DMBT1: variants seen among roughly 807,000 people sequenced by gnomAD.
The protein encoded by DMBT1 is scavenger receptor cysteine-rich domain-containing protein DMBT1.
DMBT1 carries 198 observed loss-of-function variants against 252.9 expected under a neutral mutation model. The observed-to-expected ratio is 0.78, with a 90% CI of 0.70 to 0.88. The LOEUF is 0.88. Among genes scored for constraint, DMBT1 ranks in the 40% least tolerant of loss-of-function variants. DMBT1 has a pLI of 0.00. For synonymous variants in DMBT1, 990 were observed against 942.7 expected (o/e 1.05, Z -0.92); for missense variants, 2,432 against 2,404.7 (o/e 1.01, Z -0.24).
Position 122,619,333 on chromosome 10 carries a change from G to T in DMBT1, c.5241G>T (p.Arg1747Ser), listed in dbSNP as rs757550789. 6.2e-7 allele frequency: 1 copy of T among 1,613,894 alleles called. No homozygotes were observed. Among genetic ancestry groups the T allele is most frequent in the Non-Finnish European group, 8.5e-7 (1 of 1,179,864 alleles). The change falls in exon 42 of 56, where the codon AGG becomes AGT. Residue 1747 changes from arginine to serine, a missense_variant. Physicochemically the swap from Arg to Ser is moderately radical, Grantham distance 110. Around this residue, in one of 3 missense-constraint regions of DMBT1, gnomAD observed 1,162 missense variants for 1,169.0 expected, o/e 0.99. Transcript: ENST00000338354. ...CTGCTCAGTCCCAGTCAACGCCCAG[G>T]CCAGGTGAGTCCCCAGCATCCTTCA... ...CSAAQSQSTP[R>S]PDTWLTTNLP...
In DMBT1 at chr10:122,618,221, C is replaced by A; in HGVS notation, c.5096C>A (p.Pro1699His). 2 of 1,613,716 alleles carry A rather than the reference C, an allele frequency of 1.2e-6. No individual in the cohort carries two copies. The highest frequency in any genetic ancestry group is 1.7e-6 in the Non-Finnish European group (2 of 1,179,776). Residue 1699 changes from proline (P) to histidine (H), a missense_variant, in exon 41 of 56, where the codon CCC (proline) becomes CAC (histidine). Transcript: ENST00000338354. Reference protein sequence around the residue: ...GNAQFGQGSGPIVLDDVRCSG... With the variant: ...GNAQFGQGSGHIVLDDVRCSG... ...GCCCAGTTTGGCCAGGGCTCAGGAC[C>A]CATTGTCCTGGATGATGTGCGCTGC...
At chr10:122,617,315 G>A (rs1358570804) in intron 40 of DMBT1, 55 bp downstream of exon 40, 1 of 1,573,390 alleles carries the variant, frequency 6.4e-7, no homozygotes, top group Non-Finnish European at 8.7e-7. Flanking sequence ...CATATTTTGT[G>A]TTTGAAACTG....
chr10:122,590,820 T>C (rs2133583561), intron 18 of DMBT1, 126 bp downstream of exon 18: 1 of 1,199,810 alleles, frequency 8.3e-7, no homozygotes, highest in Non-Finnish European at 1.2e-6. Context: ...TTCCCTGCTC[T>C]GTAACTGAGA....
intron 41 of DMBT1, among the ~76,000 whole-genome samples, chr10:122,618,732 G>A (rs1056683477): frequency 6.6e-6 from 1 of 152,242 alleles, no homozygotes; most frequent in African/African-American, 2.4e-5. Context: ...GTGAACTAAA[G>A]ATGCTTGTCT....
In DMBT1 at chr10:122,617,589, G is replaced by A. The variant is rs902490384; in HGVS notation, c.4891+329G>A. Reference sequence around the variant, plus strand: ...ACGCACTGCAGACCTGCAAGGGTGGGTGAAAATTTCTGTCCCTGCAGCTGT... The same window carrying A: ...ACGCACTGCAGACCTGCAAGGGTGGATGAAAATTTCTGTCCCTGCAGCTGT... On this transcript the variant is annotated intron_variant, in intron 40 of 55. Coordinates refer to ENST00000338354, the MANE Select transcript of DMBT1 (RefSeq NM_001377530.1). Among the ~76,000 whole-genome samples, 2 of 151,630 alleles carry A rather than the reference G, an allele frequency of 1.3e-5. 1 individual carries two copies. The highest frequency in any genetic ancestry group is 4.0e-4 in the East Asian group (2 of 4,996).
chr10:122,577,834 A>G lies in DMBT1; in HGVS notation c.631A>G (p.Arg211Gly). 1 of 1,613,682 alleles carries G rather than the reference A, an allele frequency of 6.2e-7. No homozygotes were observed. The highest frequency in any genetic ancestry group is 1.1e-5 in the South Asian group (1 of 91,008). ...CSAAQPQSTL[R>G]PESWPVRISP... ...AGCTGCCCAGCCTCAGTCAACACTC[A>G]GGCCAGGTGAGTCCCCAGAATCCTT... Residue 211 changes from arginine to glycine, a missense_variant, in exon 8 of 56, where the codon AGG becomes GGG. By Grantham distance (125) the Arg-to-Gly change is moderately radical (BLOSUM62 -2). This residue lies in a region of DMBT1 where 1,264 missense variants were observed against 1,082.2 expected (regional missense o/e 1.17). Transcript: ENST00000338354.
Position 122,592,334 on chromosome 10 carries a change from G to A in DMBT1, c.2239G>A (p.Glu747Lys), listed in dbSNP as rs370527817. The change falls in exon 20 of 56, where the codon GAG (glutamate) becomes AAG (lysine). Residue 747 changes from glutamate (E) to lysine (K), a missense_variant. Coordinates refer to ENST00000338354, the MANE Select transcript of DMBT1 (RefSeq NM_001377530.1). ...AAGTGACAGGTGTCAGGGCCGAGTA[G>A]AGGTCCTATACCGAGGCTCCTGGGG... ...NGSDRCQGRV[E>K]VLYRGSWGTV... The A allele has an allele frequency of 1.9e-6, 3 of 1,587,928 alleles. 1 individual carries two copies. The highest frequency in any genetic ancestry group is 1.3e-5 in the African/African-American group (1 of 74,498).
Position 122,637,293 on chromosome 10 carries a change from G to T in DMBT1, c.6923G>T (p.Gly2308Val), listed in dbSNP as rs1393901830. The T allele has an allele frequency of 1.2e-6, 2 of 1,611,082 alleles. No homozygotes were observed. Among genetic ancestry groups the T allele is most frequent in the Non-Finnish European group, 1.7e-6 (2 of 1,178,360 alleles). The stretch of plus-strand genomic sequence containing the variant: ...GTGATATTCACAATTCCCTACTCAG[G>T]CTGCGGCACCTTCAAGCAGGTAAGC... ...NLVIFTIPYS[G>V]CGTFKQADND... The change falls in exon 54 of 56, where the codon GGC becomes GTC. Residue 2308 changes from glycine (G) to valine (V), a missense_variant. Transcript: ENST00000338354.
intron 54 of DMBT1, among the ~76,000 whole-genome samples, chr10:122,639,021 G>C (rs1192711870): frequency 6.6e-6 from 1 of 152,180 alleles, no homozygotes; most frequent in Admixed American, 6.5e-5. Context: ...CATGAGCTGC[G>C]GGTCTAAGAC....
chr10:122,570,726 C>T (rs1409511588), intron 3 of DMBT1, among the ~76,000 whole-genome samples, 164 bp from the exon 4 acceptor site: 3 of 152,096 alleles, frequency 2.0e-5, no homozygotes, highest in Non-Finnish European at 4.4e-5. Flanking sequence ...CAGCCTGGAG[C>T]CAGTACGGTA....
chr10:122,560,947 T>G, intron 1 of DMBT1, 116 bp downstream of exon 1: 1 of 675,440 alleles, frequency 1.5e-6, no homozygotes, highest in Non-Finnish European at 2.5e-6. Flanking sequence ...TGGGTAGCAC[T>G]TTGCTGATAA....
chr10:122,637,377 G>A (rs1356354622), intron 54 of DMBT1, 65 bp downstream of exon 54: 1 of 1,439,202 alleles, frequency 6.9e-7, no homozygotes, highest in African/African-American at 1.4e-5. Flanking sequence ...TATGTCCTGT[G>A]CTTCTTGAAT....
At chr10:122,601,160 T>G in intron 28 of DMBT1, 137 bp downstream of exon 28, 1 of 401,930 alleles carries the variant, frequency 2.5e-6, no homozygotes, top group Non-Finnish European at 4.2e-6. Context: ...AGGTGGAATC[T>G]CTGAGGAGCC....
Position 122,640,101 on chromosome 10 carries a change from T to C in DMBT1, c.7004T>C (p.Ile2335Thr). The C allele has an allele frequency of 6.2e-7, 1 of 1,614,002 alleles. No individual in the cohort carries two copies. Among genetic ancestry groups the C allele is most frequent in the Non-Finnish European group, 8.5e-7 (1 of 1,179,902 alleles). ...ACAGCAGCTGTCTCAGGTGGCATCATCAAGAGGAGGACAGACCTCCGTATT... is the reference window on the plus strand; with the variant it reads ...ACAGCAGCTGTCTCAGGTGGCATCACCAAGAGGAGGACAGACCTCCGTATT... ...FLTAAVSGGI[I>T]KRRTDLRIHV... Residue 2335 changes from isoleucine (I) to threonine (T), a missense_variant, in exon 55 of 56, where the codon ATC becomes ACC. Ile to Thr is a moderately conservative substitution (Grantham distance 89). Around this residue, in one of 3 missense-constraint regions of DMBT1, gnomAD observed 1,162 missense variants for 1,169.0 expected, o/e 0.99. Transcript: ENST00000338354.
chr10:122,627,322 G>A (rs1240651747), intron 46 of DMBT1, among the ~76,000 whole-genome samples: 1 of 151,802 alleles, frequency 6.6e-6, no homozygotes, highest in Non-Finnish European at 1.5e-5. Context: ...TGGCATTTTG[G>A]CATACATTCC....
chr10:122,600,894 A>G, intron 27 of DMBT1, 97 bp from the exon 28 acceptor site: 1 of 644,820 alleles, frequency 1.6e-6, no homozygotes, highest in Non-Finnish European at 2.8e-6. Flanking sequence ...AGGAAGTGGA[A>G]TTGTTGCCAG....
intron 46 of DMBT1, among the ~76,000 whole-genome samples, chr10:122,628,235 T>C (rs1350721540): frequency 6.6e-6 from 1 of 152,256 alleles, no homozygotes; most frequent in Non-Finnish European, 1.5e-5. Context: ...TCAGGACAGC[T>C]TTATTCATAG....
At position 122,633,321 on chromosome 10, in the gene DMBT1, T is replaced by G. The variant is rs374699178; in HGVS notation, c.6528T>G (p.Thr2176=). Residue 2176 remains threonine, a synonymous_variant, in exon 52 of 56, where the codon ACT becomes ACG. Coordinates refer to ENST00000338354, the MANE Select transcript of DMBT1 (RefSeq NM_001377530.1). ...DIEVQNNYRV[T]VIFRDVQLEG... ...AGGTGCAAAACAACTACCGTGTGAC[T>G]GTGATCTTCAGAGATGTCCAGTAAG... The G allele has an allele frequency of 6.2e-7, 1 of 1,613,984 alleles. No homozygotes were observed. Among genetic ancestry groups the G allele is most frequent in the Admixed American group, 1.7e-5 (1 of 60,018 alleles).
chr10:122,637,407 TGATTTTGGGATAATCAG>T (rs2098235647), intron 54 of DMBT1, 95 bp downstream of exon 54: 2 of 1,342,354 alleles, frequency 1.5e-6, no homozygotes, highest in Admixed American at 2.8e-5. Context: ...GAAGAAATTA[TGATTTTGGGATAATCAG>T]GACATAATTG....
Sources: allele counts gnomAD v4.1 joint callset (sites outside exome capture counted in the v4.1 genomes callset), GRCh38; gene constraint gnomAD v4.1.1; regional missense constraint gnomAD v4.1.1; transcripts MANE v1.5; gene names NCBI Gene and HGNC (gene_info 2026-07-23, HGNC 2026-07-21).